Variants in PKNOX2 observed in about 807,000 individuals in gnomAD.
PKNOX2 encodes the protein homeobox protein PKNOX2.
PKNOX2 carries 14 observed loss-of-function variants against 53.1 expected under a neutral mutation model. The observed-to-expected ratio is 0.26, with a 90% CI of 0.17 to 0.41. The LOEUF is 0.41. Ranked by LOEUF, PKNOX2 falls within the 10% of genes least tolerant of loss-of-function variation. The probability of loss-of-function intolerance (pLI) is 1.00; values close to 1 mark genes in which losing one functional copy is unlikely to be tolerated. For synonymous variants in PKNOX2, 257 were observed against 242.8 expected (o/e 1.06, Z -0.54); for missense variants, 496 against 602.8 (o/e 0.82, Z 1.85).
chr11:125,347,052 C>T (rs1362073115), intron 3 of PKNOX2, among the ~76,000 whole-genome samples: 2 of 152,158 alleles, frequency 1.3e-5, no homozygotes, highest in African/African-American at 4.8e-5. Context: ...AGACACTTGA[C>T]CAGAGGGAGT....
chr11:125,294,283 A>G (rs1947505995), intron 2 of PKNOX2, among the ~76,000 whole-genome samples: 1 of 152,174 alleles, frequency 6.6e-6, no homozygotes, highest in Non-Finnish European at 1.5e-5. Flanking sequence ...CCTTTGGGAC[A>G]CCCAGAAGCC....
intron 2 of PKNOX2, among the ~76,000 whole-genome samples, chr11:125,315,317 A>AC (rs1565495102): frequency 1.3e-5 from 2 of 151,442 alleles, no homozygotes; most frequent in African/African-American, 4.9e-5. Flanking sequence ...AAAAAAAAAA[A>AC]AAAAAAAAAA....
chr11:125,250,061 G>T (rs1943874230), intron 2 of PKNOX2, among the ~76,000 whole-genome samples: 1 of 80,834 alleles, frequency 1.2e-5, no homozygotes, highest in African/African-American at 5.0e-5. Flanking sequence ...GCAAAACTCT[G>T]TCTCAAAAAA....
chr11:125,238,462 GC>G (rs1457825822), intron 2 of PKNOX2, among the ~76,000 whole-genome samples: 1 of 152,182 alleles, frequency 6.6e-6, no homozygotes, highest in East Asian at 1.9e-4. Context: ...AGGAGAGGAG[GC>G]TTAGAGAGCA....
intron 5 of PKNOX2, 41 bp from the exon 6 acceptor site, chr11:125,385,510 C>T (rs1246408349): frequency 6.4e-7 from 1 of 1,557,936 alleles, no homozygotes; most frequent in Non-Finnish European, 8.6e-7. Flanking sequence ...GCAGCACGGT[C>T]TCTGTGTGTG....
chr11:125,419,883 T>TAAAAAAAAAGAAAAAATTTA (rs1956081485), intron 10 of PKNOX2, among the ~76,000 whole-genome samples: 1 of 99,488 alleles, frequency 1.0e-5, no homozygotes, highest in African/African-American at 3.8e-5. Context: ...AAGAAAAAAT[T>TAAAAAAAAAGAAAAAATTTA]AAAAAAAAAA....
At chr11:125,385,360 G>T (rs1460660129) in intron 5 of PKNOX2, among the ~76,000 whole-genome samples, 191 bp from the exon 6 acceptor site, 1 of 152,242 alleles carries the variant, frequency 6.6e-6, no homozygotes, top group Non-Finnish European at 1.5e-5. Flanking sequence ...GAAGCTGGAA[G>T]AGTGGACCCT....
intron 5 of PKNOX2, among the ~76,000 whole-genome samples, chr11:125,381,092 T>G (rs73628725): frequency 0.12 from 18,310 of 152,106 alleles, 2,210 homozygotes; most frequent in African/African-American, 0.31. Flanking sequence ...GTGTCTCAGG[T>G]ATCCCCATGC....
intron 1 of PKNOX2, among the ~76,000 whole-genome samples, chr11:125,199,812 A>G (rs548177376): frequency 1.4e-4 from 21 of 152,288 alleles, no homozygotes; most frequent in Admixed American, 8.5e-4. Context: ...GCACCACTTC[A>G]CTCCAGCCTG....
intron 2 of PKNOX2, among the ~76,000 whole-genome samples, chr11:125,323,792 G>C (rs1003029761): frequency 6.6e-6 from 1 of 152,176 alleles, no homozygotes; most frequent in African/African-American, 2.4e-5. Context: ...GCTGCTTACT[G>C]TGTGTGGCAT....
At chr11:125,262,092 C>T (rs545842957) in intron 2 of PKNOX2, among the ~76,000 whole-genome samples, 105 of 152,196 alleles carry the variant, frequency 6.9e-4, no homozygotes, top group African/African-American at 2.4e-3. Flanking sequence ...CATTATGAGC[C>T]GTGATGGGGC....
chr11:125,321,284 C>T (rs903935186), intron 2 of PKNOX2, among the ~76,000 whole-genome samples: 5 of 152,206 alleles, frequency 3.3e-5, no homozygotes, highest in African/African-American at 1.2e-4. Flanking sequence ...GTTGCAACTG[C>T]AATCATCCCT....
At chr11:125,374,133 C>A (rs1952706086) in intron 5 of PKNOX2, among the ~76,000 whole-genome samples, 1 of 152,186 alleles carries the variant, frequency 6.6e-6, no homozygotes, top group African/African-American at 2.4e-5. Flanking sequence ...AAAGAGTGTT[C>A]TGGCTCCAGT....
At chr11:125,328,139 G>T (rs764662738) in intron 2 of PKNOX2, among the ~76,000 whole-genome samples, 1 of 152,174 alleles carries the variant, frequency 6.6e-6, no homozygotes, top group Non-Finnish European at 1.5e-5. Context: ...AGAGGCTGGA[G>T]GCCACACCAG....
intron 8 of PKNOX2, 194 bp downstream of exon 8, chr11:125,410,519 T>G (rs1955442915): frequency 2.4e-6 from 2 of 845,030 alleles, no homozygotes; most frequent in Non-Finnish European, 3.6e-6. Flanking sequence ...AGAACAAATT[T>G]GGGTCAAAAT....
chr11:125,185,986 C>G (rs935293287), intron 1 of PKNOX2, among the ~76,000 whole-genome samples: 19 of 152,114 alleles, frequency 1.2e-4, no homozygotes, highest in African/African-American at 4.6e-4. Context: ...ATTTTACATT[C>G]CCACCAGCAA....
chr11:125,291,985 A>G (rs1947335728), intron 2 of PKNOX2, among the ~76,000 whole-genome samples: 1 of 152,196 alleles, frequency 6.6e-6, no homozygotes, highest in Non-Finnish European at 1.5e-5. Context: ...TTGAGAAGAG[A>G]TAGTGGTGAT....
chr11:125,279,018 C>T (rs979361825), intron 2 of PKNOX2, among the ~76,000 whole-genome samples: 2 of 152,232 alleles, frequency 1.3e-5, no homozygotes, highest in Admixed American at 6.5e-5. Flanking sequence ...TACCTATTCT[C>T]TCCTCGTGGT....
chr11:125,220,851 C>A (rs1941070045), intron 1 of PKNOX2, among the ~76,000 whole-genome samples: 1 of 152,190 alleles, frequency 6.6e-6, no homozygotes, highest in South Asian at 2.1e-4. Context: ...CCTACATTCG[C>A]CACTGGGTCA....
Sources: allele counts gnomAD v4.1 joint callset (sites outside exome capture counted in the v4.1 genomes callset), GRCh38; gene constraint gnomAD v4.1.1; transcripts MANE v1.5; gene names NCBI Gene and HGNC (gene_info 2026-07-23, HGNC 2026-07-21).